ZBTB20: variants seen among roughly 807,000 people sequenced by gnomAD.
ZBTB20 encodes the protein zinc finger and BTB domain containing 20, also known as zinc finger and BTB domain-containing protein 20.
Under a neutral mutation model 56.9 loss-of-function variants are expected in ZBTB20, and 9 were observed. That is an observed-to-expected ratio of 0.16 (90% CI 0.10 to 0.28). The LOEUF is 0.28. Ranked by LOEUF, ZBTB20 falls within the 10% of genes least tolerant of loss-of-function variation. ZBTB20 has a pLI of 1.00. For missense variants in ZBTB20, 655 were observed against 1,003.0 expected (o/e 0.65, Z 4.69); for synonymous variants, 417 against 420.7 (o/e 0.99, Z 0.11).
chr3:114,602,395 G>A (rs1437730062), intron 6 of ZBTB20, among the ~76,000 whole-genome samples: 2 of 151,946 alleles, frequency 1.3e-5, no homozygotes, highest in East Asian at 1.9e-4. Flanking sequence ...TATAGTATAC[G>A]TGGAACTCTG....
At chr3:114,551,551 T>C (rs1479030351) in intron 6 of ZBTB20, among the ~76,000 whole-genome samples, 1 of 152,092 alleles carries the variant, frequency 6.6e-6, no homozygotes, top group African/African-American at 2.4e-5. Flanking sequence ...CCTTTGAGGA[T>C]AGGTAATATT....
At chr3:114,578,791 T>G (rs964729038) in intron 6 of ZBTB20, among the ~76,000 whole-genome samples, 1 of 151,318 alleles carries the variant, frequency 6.6e-6, no homozygotes, top group African/African-American at 2.4e-5. Flanking sequence ...AAATAATTAC[T>G]AAAAAAAAGT....
intron 6 of ZBTB20, among the ~76,000 whole-genome samples, chr3:114,606,833 C>A (rs1024636818): frequency 1.3e-5 from 2 of 152,146 alleles, no homozygotes; most frequent in Non-Finnish European, 2.9e-5. Context: ...CTGTGCCTCA[C>A]TCTTGTAATC....
intron 6 of ZBTB20, among the ~76,000 whole-genome samples, chr3:114,518,252 T>C (rs1325578247): frequency 1.3e-5 from 2 of 152,058 alleles, no homozygotes; most frequent in African/African-American, 4.8e-5. Flanking sequence ...AAAAGCATTC[T>C]TCAAATATAC....
chr3:114,349,823 C>T (rs1560109730), intron 11 of ZBTB20, among the ~76,000 whole-genome samples: 1 of 152,200 alleles, frequency 6.6e-6, no homozygotes, highest in Non-Finnish European at 1.5e-5. Context: ...CGATTATTCT[C>T]ATTTTATACA....
Position 114,622,655 on chromosome 3 carries a change from T to A in ZBTB20, c.-295+70873A>T, listed in dbSNP as rs146865620. 1.3e-3 allele frequency among the ~76,000 whole-genome samples: 199 copies of A among 152,304 alleles called. 1 individual carries two copies. The highest frequency in any genetic ancestry group is 4.5e-3 in the African/African-American group (185 of 41,572). Reference sequence around the variant, plus strand: ...GTGGTTAAGAATCTGAAGCACTCAGTATAGCAAACAAAATTCCAAAGCTGA... The same window carrying A: ...GTGGTTAAGAATCTGAAGCACTCAGAATAGCAAACAAAATTCCAAAGCTGA... On this transcript the variant is annotated intron_variant, in intron 6 of 11. Transcript: ENST00000675478.
At chr3:115,098,566 T>A (rs1042915260) in intron 1 of ZBTB20, among the ~76,000 whole-genome samples, 2 of 152,214 alleles carry the variant, frequency 1.3e-5, no homozygotes, top group African/African-American at 4.8e-5. Flanking sequence ...TTTGTACTAC[T>A]CTTGGTCAAA....
intron 3 of ZBTB20, among the ~76,000 whole-genome samples, chr3:114,912,843 G>C (rs1216043339): frequency 6.6e-6 from 1 of 151,790 alleles, no homozygotes; most frequent in Non-Finnish European, 1.5e-5. Context: ...TTAGCTCCCA[G>C]AAATATGTGA....
At chr3:115,008,195 G>C (rs1332763800) in intron 2 of ZBTB20, among the ~76,000 whole-genome samples, 1 of 151,812 alleles carries the variant, frequency 6.6e-6, no homozygotes, top group Non-Finnish European at 1.5e-5. Context: ...ATGCCCCATA[G>C]ATACTTCAAC....
At chr3:114,927,367 C>T (rs752841233) in intron 3 of ZBTB20, among the ~76,000 whole-genome samples, 1 of 152,090 alleles carries the variant, frequency 6.6e-6, no homozygotes, top group Non-Finnish European at 1.5e-5. Flanking sequence ...AGTTATGCTC[C>T]GACTGTCTTG....
At chr3:114,749,304 T>C (rs1039005347) in intron 5 of ZBTB20, among the ~76,000 whole-genome samples, 1 of 152,046 alleles carries the variant, frequency 6.6e-6, no homozygotes, top group Non-Finnish European at 1.5e-5. Flanking sequence ...CTGTAATCCA[T>C]GAACTTTGGG....
chr3:114,929,995 A>T (rs1478010606), intron 3 of ZBTB20, among the ~76,000 whole-genome samples: 1 of 152,240 alleles, frequency 6.6e-6, no homozygotes, highest in Non-Finnish European at 1.5e-5. Context: ...TAACAAAATG[A>T]ATAAGAGTAC....
chr3:114,837,007 G>C (rs181142192), intron 4 of ZBTB20, among the ~76,000 whole-genome samples: 74 of 152,004 alleles, frequency 4.9e-4, no homozygotes, highest in Middle Eastern at 6.8e-3. Context: ...GTGCTTCTTT[G>C]CCTATTCTGT....
intron 6 of ZBTB20, among the ~76,000 whole-genome samples, chr3:114,666,178 A>C (rs771674960): frequency 6.6e-6 from 1 of 151,898 alleles, no homozygotes; most frequent in Non-Finnish European, 1.5e-5. Context: ...TTTCCCTGTG[A>C]GAAGCCAAAA....
At chr3:114,950,895 T>C (rs2077043978) in intron 3 of ZBTB20, among the ~76,000 whole-genome samples, 1 of 152,086 alleles carries the variant, frequency 6.6e-6, no homozygotes, top group Non-Finnish European at 1.5e-5. Flanking sequence ...CAACATAATA[T>C]AAATGAATCT....
At chr3:114,494,739 T>C (rs2043094361) in intron 7 of ZBTB20, among the ~76,000 whole-genome samples, 1 of 152,254 alleles carries the variant, frequency 6.6e-6, no homozygotes, top group South Asian at 2.1e-4. Context: ...TTTGAAAGGT[T>C]TGACTGAAGG....
At chr3:114,841,804 G>T (rs1408518864) in intron 4 of ZBTB20, among the ~76,000 whole-genome samples, 1 of 152,166 alleles carries the variant, frequency 6.6e-6, no homozygotes, top group Non-Finnish European at 1.5e-5. Context: ...GCCTGAGCTG[G>T]AGAAATATGT....
At chr3:114,393,665 T>A (rs1193540960) in intron 7 of ZBTB20, among the ~76,000 whole-genome samples, 1 of 152,222 alleles carries the variant, frequency 6.6e-6, no homozygotes, top group African/African-American at 2.4e-5. Context: ...TTTATTCTCT[T>A]TTAATGACTT....
At position 114,339,476 on chromosome 3, in the gene ZBTB20, G is replaced by A; in HGVS notation, c.1805-50C>T. 1 of 1,553,024 alleles carries A rather than the reference G, an allele frequency of 6.4e-7. No homozygotes were observed. The highest frequency in any genetic ancestry group is 8.7e-7 in the Non-Finnish European group (1 of 1,145,474). Reference sequence around the variant, plus strand: ...AGCAGGACAGAGCGAGACATAGCAAGGGATAGAGAATGAAGGACAGGAAAA... The same window carrying A: ...AGCAGGACAGAGCGAGACATAGCAAAGGATAGAGAATGAAGGACAGGAAAA... On this transcript the variant is annotated intron_variant, in intron 11 of 11. Coordinates refer to ENST00000675478, the MANE Select transcript of ZBTB20 (RefSeq NM_001348800.3). This position sits in a 1 kb window ranked among gnomAD's most constrained non-coding sequence, Gnocchi z 4.2.
Sources: allele counts gnomAD v4.1 joint callset (sites outside exome capture counted in the v4.1 genomes callset), GRCh38; gene constraint gnomAD v4.1.1; non-coding constraint Gnocchi (gnomAD v3.1); transcripts MANE v1.5; gene names NCBI Gene and HGNC (gene_info 2026-07-23, HGNC 2026-07-21).